The following MRPS6 variants were observed in gnomAD, a reference collection of about 807,000 sequenced individuals.
MRPS6 encodes the protein mitochondrial ribosomal protein S6.
Under a neutral mutation model 13.1 loss-of-function variants are expected in MRPS6, and 6 were observed. The ratio of observed to expected loss-of-function variants is 0.46; its 90% confidence interval spans 0.25 to 0.91. The LOEUF is 0.91. Ranked by LOEUF, MRPS6 falls within the 40% of genes least tolerant of loss-of-function variation. MRPS6 has a pLI of 0.18. For missense variants in MRPS6, 164 were observed against 155.6 expected, an observed-to-expected ratio of 1.05 and a Z score of -0.29; for synonymous variants, 61 against 56.5, an observed-to-expected ratio of 1.08 and a Z score of -0.36.
At chr21:34,074,980 T>A (rs1166381360) in intron 1 of MRPS6, among the ~76,000 whole-genome samples, 1 of 152,244 alleles carries the variant, frequency 6.6e-6, no homozygotes, top group Non-Finnish European at 1.5e-5. Context: ...TCCCCCAGCT[T>A]GTTCTTCATG....
At chr21:34,080,568 C>G (rs1989436001) in intron 1 of MRPS6, among the ~76,000 whole-genome samples, 2 of 152,162 alleles carry the variant, frequency 1.3e-5, no homozygotes, top group Non-Finnish European at 2.9e-5. Context: ...GTACATTAAA[C>G]AAATATCAAG....
chr21:34,092,419 G>A (rs1156955568), intron 1 of MRPS6, among the ~76,000 whole-genome samples: 1 of 152,114 alleles, frequency 6.6e-6, no homozygotes, highest in Non-Finnish European at 1.5e-5. Context: ...ACTGTCCGCA[G>A]TGGCTTTGAA....
intron 1 of MRPS6, among the ~76,000 whole-genome samples, chr21:34,074,174 C>G (rs1471352076): frequency 2.0e-5 from 3 of 149,870 alleles, no homozygotes; most frequent in South Asian, 2.1e-4. Context: ...CCGCCGCCGC[C>G]TGGTCCGTCC....
At chr21:34,074,179 C>T (rs1205193575) in intron 1 of MRPS6, among the ~76,000 whole-genome samples, 1 of 149,908 alleles carries the variant, frequency 6.7e-6, no homozygotes, top group Non-Finnish European at 1.5e-5. Flanking sequence ...GCCGCCTGGT[C>T]CGTCCCGCTC....
chr21:34,104,578 T>C (rs750332622), intron 1 of MRPS6: 161 of 998,616 alleles, frequency 1.6e-4, no homozygotes, highest in Non-Finnish European at 1.8e-4. Flanking sequence ...TAGACTAATA[T>C]GAGATGTTTT....
At chr21:34,074,120 G>A (rs964879166) in intron 1 of MRPS6, among the ~76,000 whole-genome samples, 6 of 148,468 alleles carry the variant, frequency 4.0e-5, no homozygotes, top group Non-Finnish European at 7.5e-5. Flanking sequence ...GCCCGACTCC[G>A]GCCCGTCCCC....
At chr21:34,102,440 G>A (rs182744706) in intron 1 of MRPS6, 174 of 999,990 alleles carry the variant, frequency 1.7e-4, no homozygotes, top group South Asian at 6.1e-4. Context: ...TTTGGGGTAA[G>A]CACCTAATTT....
Position 34,096,951 on chromosome 21 carries a change from A to G in MRPS6, c.45+23206A>G. 1 of 1,614,150 alleles carries G rather than the reference A, an allele frequency of 6.2e-7. No homozygotes were observed. Among genetic ancestry groups the G allele is most frequent in the Non-Finnish European group, 8.5e-7 (1 of 1,179,988 alleles). On this transcript the variant is annotated intron_variant, in intron 1 of 2. Coordinates refer to ENST00000399312, the MANE Select transcript of MRPS6 (RefSeq NM_032476.4). This position sits in a 1 kb window ranked among gnomAD's most constrained non-coding sequence, Gnocchi z 5.9. The stretch of plus-strand genomic sequence containing the variant: ...TGAGAATAATGAGACCATCAACCAC[A>G]TCATTCCCAACGGGAAATCTGAAGA...
At position 34,126,846 on chromosome 21, in the gene MRPS6, T is replaced by G. The variant is rs185877017; in HGVS notation, c.185+1366T>G. 4.4e-4 allele frequency among the ~76,000 whole-genome samples: 67 copies of G among 152,296 alleles called. 1 individual carries two copies. The Middle Eastern group carries it at 0.027, about 62-fold the overall frequency. ...AGTTGGCATGACCAGCATCCTAGGA[T>G]CTGCACTAACACGTAGCCTGAGTAA... On this transcript the variant is annotated intron_variant, in intron 2 of 2. Transcript: ENST00000399312.
At chr21:34,109,318 C>G (rs575751865) in intron 1 of MRPS6, among the ~76,000 whole-genome samples, 3 of 152,338 alleles carry the variant, frequency 2.0e-5, no homozygotes, top group East Asian at 3.9e-4. Flanking sequence ...ACGCTGGCAT[C>G]ACGATTGGGC....
Position 34,073,911 on chromosome 21 carries a change from C to T in MRPS6, c.45+166C>T, listed in dbSNP as rs898749605. ...CGGGCGTCCGCGGGAAGGGGGCGCG[C>T]GTGGGCCGGCCGGGCCCGGCCGCGT... On this transcript the variant is annotated intron_variant, in intron 1 of 2. Transcript: ENST00000399312. Among the ~76,000 whole-genome samples the T allele has an allele frequency of 3.7e-3, 532 of 145,390 alleles. 4 individuals are homozygous for T. Among genetic ancestry groups the T allele is most frequent in the African/African-American group, 0.013 (513 of 40,670 alleles).
At chr21:34,142,209 A>G (rs1602974320) in intron 2 of MRPS6, among the ~76,000 whole-genome samples, 199 bp from the exon 3 acceptor site, 2 of 152,190 alleles carry the variant, frequency 1.3e-5, no homozygotes, top group African/African-American at 4.8e-5. Context: ...CCATAGAAAA[A>G]GGGAGATTGG....
chr21:34,117,887 A>G (rs1221236580), intron 1 of MRPS6, among the ~76,000 whole-genome samples: 1 of 152,146 alleles, frequency 6.6e-6, no homozygotes, highest in Non-Finnish European at 1.5e-5. Context: ...CCCGCATGTA[A>G]CTGTTTCTCA....
chr21:34,098,782 A>T, intron 1 of MRPS6: 1 of 1,000,166 alleles, frequency 1.0e-6, no homozygotes, highest in Admixed American at 6.2e-5. Context: ...AAGATGTTAG[A>T]GAAAAGCTCT....
chr21:34,134,160 A>G (rs1980604910), intron 2 of MRPS6, among the ~76,000 whole-genome samples: 1 of 152,242 alleles, frequency 6.6e-6, no homozygotes, highest in Non-Finnish European at 1.5e-5. Context: ...TCTTGAATAA[A>G]TGAGTAATTC....
chr21:34,138,247 G>A (rs1258870776), intron 2 of MRPS6, among the ~76,000 whole-genome samples: 1 of 151,886 alleles, frequency 6.6e-6, no homozygotes, highest in African/African-American at 2.4e-5. Flanking sequence ...CTGTGCAGAA[G>A]CTCTTTAGTT....
rs542133067 is a variant in MRPS6 at position 34,102,696 on chromosome 21, A to C, written c.46-22645A>C. 1.5e-4 allele frequency: 146 copies of C among 1,000,186 alleles called. No homozygotes were observed. In the South Asian group the frequency reaches 4.6e-3, roughly 31 times the overall value. The allele number at this position is 1,000,186 out of a possible 1,614,324, so 62.0% of individuals were successfully genotyped here. On this transcript the variant is annotated intron_variant, in intron 1 of 2. Transcript: ENST00000399312. Reference sequence around the variant, plus strand: ...GATGCTAGAATAAAGTAAGCAGCTGAAGAGCGAGCAAATCAAGACAAAACA... The same window carrying C: ...GATGCTAGAATAAAGTAAGCAGCTGCAGAGCGAGCAAATCAAGACAAAACA...
At chr21:34,109,289 A>AT (rs1459959074) in intron 1 of MRPS6, among the ~76,000 whole-genome samples, 1 of 151,972 alleles carries the variant, frequency 6.6e-6, no homozygotes, top group Non-Finnish European at 1.5e-5. Flanking sequence ...TGATCTGCTT[A>AT]TTTTTAATAG....
intron 1 of MRPS6, chr21:34,098,279 T>A: frequency 1.0e-6 from 1 of 1,000,090 alleles, no homozygotes; most frequent in Non-Finnish European, 1.2e-6. Flanking sequence ...GGAAAAATTA[T>A]TAGCCAAATG....
Sources: allele counts gnomAD v4.1 joint callset (sites outside exome capture counted in the v4.1 genomes callset), GRCh38; gene constraint gnomAD v4.1.1; non-coding constraint Gnocchi (gnomAD v3.1); transcripts MANE v1.5; gene names NCBI Gene and HGNC (gene_info 2026-07-23, HGNC 2026-07-21).